Variants in ABCC8 observed in about 807,000 individuals in gnomAD.
ABCC8 encodes ATP binding cassette subfamily C member 8.
A neutral mutation model predicts 188.0 loss-of-function variants in ABCC8; 137 were observed. The ratio of observed to expected loss-of-function variants is 0.73; its 90% CI spans 0.63 to 0.84. The LOEUF (loss-of-function observed/expected upper bound fraction) is 0.84. Ranked by LOEUF, ABCC8 falls within the 40% of genes least tolerant of loss-of-function variation. The probability of loss-of-function intolerance (pLI) is 0.00; values close to 1 mark genes in which losing one functional copy is unlikely to be tolerated. For synonymous variants in ABCC8, 797 were observed against 846.5 expected (o/e 0.94, Z 1.01); for missense variants, 1,750 against 2,072.7 (o/e 0.84, Z 3.02).
At chr11:17,472,908 T>C (rs545319930) in intron 2 of ABCC8, among the ~76,000 whole-genome samples, 5 of 152,174 alleles carry the variant, frequency 3.3e-5, no homozygotes, top group African/African-American at 1.2e-4. Context: ...ATGATGCTTG[T>C]TTCATAAGGC....
intron 22 of ABCC8, among the ~76,000 whole-genome samples, chr11:17,409,060 C>T (rs1386781469): frequency 6.6e-6 from 1 of 151,740 alleles, no homozygotes; most frequent in East Asian, 1.9e-4. Context: ...TCAAGCCATC[C>T]TCCTGCCTCA....
Position 17,408,461 on chromosome 11 carries a change from C to T in ABCC8, c.2751G>A (p.Gln917=), listed in dbSNP as rs769982482. The T allele has an allele frequency of 2.5e-6, 4 of 1,613,776 alleles. No homozygotes were observed. Among genetic ancestry groups the T allele is most frequent in the South Asian group, 1.1e-5 (1 of 91,084 alleles). Residue 917 remains glutamine (Q), a synonymous_variant, in exon 23 of 39, where the codon CAG becomes CAA. Coordinates refer to ENST00000389817, the MANE Select transcript of ABCC8 (RefSeq NM_000352.6). ...GCTCAAAGAGCTGGCATTCAGACCT[C>T]TGGAAGTCCTTGAGGGTACCCTCCC... is the stretch of plus-strand genomic sequence containing the variant. ...IQREGTLKDF[Q]RSECQLFEHW...
Position 17,396,911 on chromosome 11 carries a change from C to T in ABCC8, c.4119+5G>A. On this transcript the variant is annotated splice_donor_5th_base_variant and intron_variant, in intron 33 of 38. Coordinates refer to ENST00000389817, the MANE Select transcript of ABCC8 (RefSeq NM_000352.6). ...TGCAGCATTGGGTTGGGCCCGTGCTCTGACCTTCTGTCCAGGGGCGATGAG... is the reference window on the plus strand; with the variant it reads ...TGCAGCATTGGGTTGGGCCCGTGCTTTGACCTTCTGTCCAGGGGCGATGAG... 1 of 1,613,898 alleles carries T rather than the reference C, an allele frequency of 6.2e-7. No homozygotes were observed. Among genetic ancestry groups the T allele is most frequent in the South Asian group, 1.1e-5 (1 of 91,084 alleles).
At chr11:17,401,139 C>T (rs1303624011) in intron 29 of ABCC8, among the ~76,000 whole-genome samples, 1 of 152,200 alleles carries the variant, frequency 6.6e-6, no homozygotes, top group Admixed American at 6.5e-5. Context: ...CATCTCTCTA[C>T]CCCAGGGCCC....
chr11:17,416,640 A>C (rs1029839150), intron 17 of ABCC8, among the ~76,000 whole-genome samples: 1 of 152,096 alleles, frequency 6.6e-6, no homozygotes, highest in African/African-American at 2.4e-5. Context: ...GGCAATCGCT[A>C]GTCTATTTTC....
chr11:17,440,073 T>C (rs189540026), intron 10 of ABCC8, among the ~76,000 whole-genome samples: 1 of 152,306 alleles, frequency 6.6e-6, no homozygotes, highest in Non-Finnish European at 1.5e-5. Context: ...TCAAAGCAGA[T>C]GTCACCTGCC....
intron 11 of ABCC8, 60 bp from the exon 12 acceptor site, chr11:17,431,019 G>A: frequency 6.3e-7 from 1 of 1,596,520 alleles, no homozygotes; most frequent in Non-Finnish European, 8.5e-7. Flanking sequence ...CTCCCACACT[G>A]GAAACGCTCA....
In ABCC8 at chr11:17,427,807, C is replaced by T. The variant is rs1955651166; in HGVS notation, c.2116+60G>A. The T allele has an allele frequency of 3.1e-6, 5 of 1,596,700 alleles. No individual in the cohort carries two copies. Among genetic ancestry groups the T allele is most frequent in the Non-Finnish European group, 4.3e-6 (5 of 1,169,642 alleles). On this transcript the variant is annotated intron_variant, in intron 15 of 38. Coordinates refer to ENST00000389817, the MANE Select transcript of ABCC8 (RefSeq NM_000352.6). The surrounding 1 kb of genome is among the most constrained non-coding windows in gnomAD (Gnocchi z 5.0). ...AATAAATGCAGCTTTGTCTTTTTATCTCTATGTTATTCAGTGGGACATGGG... is the reference window on the plus strand; with the variant it reads ...AATAAATGCAGCTTTGTCTTTTTATTTCTATGTTATTCAGTGGGACATGGG...
intron 33 of ABCC8, chr11:17,396,303 G>A: frequency 2.5e-6 from 1 of 393,450 alleles, no homozygotes. Context: ...GTGTCTGTGT[G>A]CCCCGCCCTA....
chr11:17,473,721 T>A (rs1343110130), intron 2 of ABCC8, among the ~76,000 whole-genome samples: 1 of 152,220 alleles, frequency 6.6e-6, no homozygotes, highest in Non-Finnish European at 1.5e-5. Context: ...ATTGCTCACC[T>A]AGACTACTGC....
intron 3 of ABCC8, among the ~76,000 whole-genome samples, chr11:17,467,095 T>G (rs1386440334): frequency 1.8e-5 from 2 of 112,134 alleles, no homozygotes; most frequent in African/African-American, 3.2e-5. Context: ...CAACTTCCCA[T>G]TGCTGTTGGG....
chr11:17,460,337 A>T, intron 6 of ABCC8, 151 bp downstream of exon 6: 4 of 1,242,326 alleles, frequency 3.2e-6, no homozygotes, highest in Non-Finnish European at 4.6e-6. Flanking sequence ...GATGTAGAGT[A>T]TTCTGTGGTG....
Position 17,395,269 on chromosome 11 carries a change from G to T in ABCC8, c.4314C>A (p.Asn1438Lys). The T allele has an allele frequency of 1.3e-6, 2 of 1,588,186 alleles. No individual in the cohort carries two copies. Among genetic ancestry groups the T allele is most frequent in the Non-Finnish European group, 8.6e-7 (1 of 1,165,470 alleles). Residue 1438 changes from asparagine to lysine, a missense_variant, in exon 36 of 39, where the codon AAC (asparagine) becomes AAA (lysine). Coordinates refer to ENST00000389817, the MANE Select transcript of ABCC8 (RefSeq NM_000352.6). ...CTGAGCACTTCCTCTCAGGGTCCAGGTTAAATCTGGAAGTGGCACAGAAAG... is the reference window on the plus strand; with the variant it reads ...CTGAGCACTTCCTCTCAGGGTCCAGTTTAAATCTGGAAGTGGCACAGAAAG... Reference protein sequence around the residue: ...PVLFSGTIRFNLDPERKCSDS... With the variant: ...PVLFSGTIRFKLDPERKCSDS...
At chr11:17,467,226 G>T (rs1366049302) in intron 3 of ABCC8, among the ~76,000 whole-genome samples, 1 of 152,138 alleles carries the variant, frequency 6.6e-6, no homozygotes, top group Non-Finnish European at 1.5e-5. Flanking sequence ...GACCAGCATG[G>T]TCAACAGGGT....
intron 3 of ABCC8, chr11:17,465,422 G>A (rs940454144): frequency 2.6e-5 from 4 of 152,264 alleles, no homozygotes; most frequent in Non-Finnish European, 5.9e-5. Context: ...TGGGGAATCC[G>A]AGGCTCAGAG....
chr11:17,405,746 G>A (rs1456150395), intron 26 of ABCC8, 183 bp from the exon 27 acceptor site: 15 of 767,042 alleles, frequency 2.0e-5, no homozygotes, highest in Non-Finnish European at 2.1e-5. Flanking sequence ...CCAAAGGGGC[G>A]CTGGCCTTTC....
intron 20 of ABCC8, 48 bp downstream of exon 20, chr11:17,413,346 G>C (rs760456469): frequency 6.8e-6 from 11 of 1,611,596 alleles, no homozygotes; most frequent in Non-Finnish European, 9.3e-6. Flanking sequence ...GGGCATGGTA[G>C]GTTGGGGGTC....
intron 16 of ABCC8, among the ~76,000 whole-genome samples, chr11:17,418,264 C>G (rs1296724466): frequency 6.6e-6 from 1 of 152,110 alleles, no homozygotes; most frequent in African/African-American, 2.4e-5. Context: ...CTGTGATTTC[C>G]CATGCCATAA....
At chr11:17,456,982 C>T (rs992099151) in intron 6 of ABCC8, among the ~76,000 whole-genome samples, 5 of 152,062 alleles carry the variant, frequency 3.3e-5, no homozygotes, top group African/African-American at 9.7e-5. Context: ...AGAAACAGGG[C>T]GCTTTGATAG....
Sources: allele counts gnomAD v4.1 joint callset (sites outside exome capture counted in the v4.1 genomes callset), GRCh38; gene constraint gnomAD v4.1.1; non-coding constraint Gnocchi (gnomAD v3.1); transcripts MANE v1.5; gene names NCBI Gene and HGNC (gene_info 2026-07-23, HGNC 2026-07-21).